FAM193A: variants seen among roughly 807,000 people sequenced by gnomAD.
FAM193A encodes the protein family with sequence similarity 193 member A, also known as protein FAM193A.
In FAM193A, 22 loss-of-function variants were observed where a neutral mutation model predicts 126.5. The observed-to-expected ratio is 0.17, with a 90% CI of 0.12 to 0.25. The LOEUF is 0.25. FAM193A is among the 10% of genes least tolerant of loss of function. The pLI, the probability that FAM193A is intolerant of heterozygous loss-of-function variation, is 1.00. For synonymous variants in FAM193A, 761 were observed against 646.8 expected, an observed-to-expected ratio of 1.18 and a Z score of -2.68; for missense variants, 1,675 against 1,672.8, an observed-to-expected ratio of 1.00 and a Z score of -0.02.
At chr4:2,616,677 A>G (rs1349562321) in intron 2 of FAM193A, among the ~76,000 whole-genome samples, 31 of 151,660 alleles carry the variant, frequency 2.0e-4, no homozygotes, top group Admixed American at 2.0e-3. Context: ...CTCCCACCTC[A>G]GCCTCCCAAG....
chr4:2,695,639 T>G (rs1446864609), intron 17 of FAM193A, among the ~76,000 whole-genome samples: 1 of 152,226 alleles, frequency 6.6e-6, no homozygotes. Context: ...TCCTAAAATG[T>G]TCACATGTTT....
rs541222459 is a variant in FAM193A, at chr4:2,572,341, A to G, written c.256-23743A>G. ...GAGACTTCATCTCAAAAAAAAAAAA[A>G]AAAGTCCAAGGTAACATTTCAAGTT... On this transcript the variant is annotated intron_variant, in intron 1 of 20. Transcript: ENST00000637812. Among the ~76,000 whole-genome samples, 269 of 151,762 alleles carry G rather than the reference A, an allele frequency of 1.8e-3. 1 individual carries two copies. The highest frequency in any genetic ancestry group is 3.0e-3 in the Non-Finnish European group (202 of 67,916).
intron 20 of FAM193A, among the ~76,000 whole-genome samples, chr4:2,730,550 C>T (rs1006628448): frequency 2.0e-5 from 3 of 151,986 alleles, no homozygotes; most frequent in African/African-American, 7.3e-5. Flanking sequence ...ATTAGCTGGG[C>T]GTGGTGATAG....
chr4:2,662,741 C>T (rs920872153), intron 10 of FAM193A, 97 bp from the exon 11 acceptor site: 6 of 860,704 alleles, frequency 7.0e-6, no homozygotes, highest in Middle Eastern at 2.3e-4. Context: ...AAATGAAAGC[C>T]GTGATCTGTC....
intron 2 of FAM193A, among the ~76,000 whole-genome samples, chr4:2,619,554 G>A (rs899269549): frequency 5.3e-5 from 8 of 152,042 alleles, no homozygotes; most frequent in African/African-American, 1.7e-4. Flanking sequence ...TTTTAGTAGA[G>A]ATGGGGTTTC....
chr4:2,667,414 G>A (rs145328661), intron 12 of FAM193A, among the ~76,000 whole-genome samples: 1 of 152,240 alleles, frequency 6.6e-6, no homozygotes, highest in East Asian at 1.9e-4. Flanking sequence ...ACTGAGAGAG[G>A]CATATTGAAG....
chr4:2,590,463 C>CAAAA (rs774897240), intron 1 of FAM193A, among the ~76,000 whole-genome samples: 2 of 13,568 alleles, frequency 1.5e-4, no homozygotes, highest in Non-Finnish European at 1.4e-4. Flanking sequence ...GACTCCATCT[C>CAAAA]AAAAAAAAAA....
chr4:2,688,163 G>T (rs1715958771), intron 13 of FAM193A, among the ~76,000 whole-genome samples: 1 of 152,178 alleles, frequency 6.6e-6, no homozygotes, highest in African/African-American at 2.4e-5. Context: ...CAAGGACTGG[G>T]GGAGAAGGGC....
chr4:2,574,617 C>G (rs1229472316), intron 1 of FAM193A, among the ~76,000 whole-genome samples: 1 of 152,070 alleles, frequency 6.6e-6, no homozygotes, highest in Non-Finnish European at 1.5e-5. Flanking sequence ...CTGAGGATCT[C>G]TAATGCTCAG....
At chr4:2,584,070 C>T (rs965166634) in intron 1 of FAM193A, among the ~76,000 whole-genome samples, 1 of 151,940 alleles carries the variant, frequency 6.6e-6, no homozygotes, top group African/African-American at 2.4e-5. Context: ...TTGTTTTCTT[C>T]TAGAGGTTTT....
intron 2 of FAM193A, among the ~76,000 whole-genome samples, chr4:2,623,018 C>A (rs1302279984): frequency 6.6e-6 from 1 of 152,016 alleles, no homozygotes; most frequent in East Asian, 1.9e-4. Flanking sequence ...CTGCCCCCAA[C>A]CCCCTACCAC....
At chr4:2,647,661 T>A (rs2109056701) in intron 7 of FAM193A, among the ~76,000 whole-genome samples, 1 of 152,292 alleles carries the variant, frequency 6.6e-6, no homozygotes, top group Admixed American at 6.5e-5. Flanking sequence ...AGAGCAGGGC[T>A]TTGAGACGGC....
chr4:2,693,785 T>G lies in FAM193A; in HGVS notation c.3003T>G (p.Pro1001=). 6.2e-7 allele frequency: 1 copy of G among 1,614,204 alleles called. No homozygotes were observed. The highest frequency in any genetic ancestry group is 1.1e-5 in the South Asian group (1 of 91,086). ...TCCCCAAAACAGCAACCACAACTCC[T>G]GGGTTTGTGGACACACGCAAGAGTT... The part of the protein sequence containing the change: ...PSFPKTATTT[P]GFVDTRKSFC... Residue 1001 remains proline (P), a synonymous_variant, in exon 16 of 21, where the codon CCT becomes CCG. Coordinates refer to ENST00000637812, the MANE Select transcript of FAM193A (RefSeq NM_001366318.2).
In FAM193A at chr4:2,732,232, G is replaced by A. The variant is rs921526602; in HGVS notation, c.*364G>A. ...CCCTGTCCTGTCATGTGTCCTCACC[G>A]GGGTATCGGCCGTCACTCAGCTCTC... is the stretch of plus-strand genomic sequence containing the variant. On this transcript the variant is annotated 3_prime_UTR_variant, in exon 21 of 21. Coordinates refer to ENST00000637812, the MANE Select transcript of FAM193A (RefSeq NM_001366318.2). 10 of 263,980 alleles carry A rather than the reference G, an allele frequency of 3.8e-5. No individual in the cohort carries two copies. The highest frequency in any genetic ancestry group is 9.9e-5 in the Admixed American group (2 of 20,298). 16.4% of individuals were successfully genotyped at this position (263,980 alleles called of 1,614,324 possible).
At chr4:2,618,518 C>T (rs1742341791) in intron 2 of FAM193A, among the ~76,000 whole-genome samples, 3 of 151,666 alleles carry the variant, frequency 2.0e-5, no homozygotes, top group South Asian at 4.2e-4. Flanking sequence ...ACCTCTGCCT[C>T]CTGGGTTCAA....
chr4:2,719,989 T>C, intron 20 of FAM193A: 1 of 271,304 alleles, frequency 3.7e-6, no homozygotes, highest in Non-Finnish European at 7.7e-6. Flanking sequence ...GAGACGGGGT[T>C]TCGCCACATT....
At chr4:2,726,864 C>A (rs1201702128) in intron 20 of FAM193A, among the ~76,000 whole-genome samples, 1 of 142,512 alleles carries the variant, frequency 7.0e-6, no homozygotes, top group East Asian at 2.2e-4. Context: ...GCAGGAGAAT[C>A]TCTTGAACCC....
intron 19 of FAM193A, among the ~76,000 whole-genome samples, chr4:2,707,348 C>T (rs1199914263): frequency 6.6e-6 from 1 of 151,972 alleles, no homozygotes; most frequent in Non-Finnish European, 1.5e-5. Context: ...ATTTAATCAC[C>T]ATTGTTTTTA....
chr4:2,719,823 C>T (rs1201877759), intron 20 of FAM193A, among the ~76,000 whole-genome samples: 1 of 144,366 alleles, frequency 6.9e-6, no homozygotes, highest in Non-Finnish European at 1.5e-5. Context: ...GGGTCTCACT[C>T]TTGTCACCTA....
Sources: gnomAD v4.1 joint callset for allele counts (sites outside exome capture counted in the v4.1 genomes callset) on GRCh38, gnomAD v4.1.1 for gene constraint, MANE v1.5 for transcripts, NCBI Gene and HGNC (gene_info 2026-07-23, HGNC 2026-07-21) for gene names.